DNM3: variants seen among roughly 807,000 people sequenced by gnomAD.
DNM3 encodes dynamin-3.
A neutral mutation model predicts 101.6 loss-of-function variants in DNM3; 47 were observed. The ratio of observed to expected loss-of-function variants is 0.46; its 90% CI spans 0.37 to 0.59. The LOEUF is 0.59. Among genes scored for constraint, DNM3 ranks in the 20% least tolerant of loss-of-function variants. The pLI, the probability that DNM3 is intolerant of heterozygous loss-of-function variation, is 0.00. For synonymous variants in DNM3, 385 were observed against 387.9 expected (o/e 0.99, Z 0.09); for missense variants, 849 against 1,085.7 (o/e 0.78, Z 3.06).
intron 14 of DNM3, among the ~76,000 whole-genome samples, chr1:172,211,674 A>AT (rs1362221918): frequency 6.6e-6 from 1 of 152,084 alleles, no homozygotes; most frequent in South Asian, 2.1e-4. Flanking sequence ...GTTTAAAACA[A>AT]TTTTTTTACA....
intron 2 of DNM3, among the ~76,000 whole-genome samples, chr1:171,964,622 G>A (rs545411236): frequency 3.0e-4 from 45 of 152,160 alleles, no homozygotes; most frequent in African/African-American, 1.0e-3. Context: ...CCCATATTTG[G>A]CTCAGAATAA....
intron 4 of DNM3, among the ~76,000 whole-genome samples, chr1:172,017,259 T>C (rs2047510914): frequency 6.6e-6 from 1 of 152,144 alleles, no homozygotes; most frequent in South Asian, 2.1e-4. Context: ...TTTAATTTGC[T>C]CTTCTTTTTC....
chr1:172,239,632 G>A (rs887709035), intron 14 of DNM3, among the ~76,000 whole-genome samples: 2 of 152,024 alleles, frequency 1.3e-5, no homozygotes, highest in East Asian at 1.9e-4. Context: ...GTCTCCAGAA[G>A]CTGAGGATAG....
chr1:171,968,528 G>T (rs2043756964), intron 2 of DNM3, among the ~76,000 whole-genome samples: 1 of 152,192 alleles, frequency 6.6e-6, no homozygotes, highest in Non-Finnish European at 1.5e-5. Context: ...TCATTATCAT[G>T]CCAGCTAGCA....
chr1:172,286,661 A>G (rs1337397993), intron 15 of DNM3, among the ~76,000 whole-genome samples: 1 of 152,178 alleles, frequency 6.6e-6, no homozygotes. Flanking sequence ...CCAACTGCCT[A>G]CTGGGCATTT....
Position 171,956,820 on chromosome 1 carries a change from A to G in DNM3, c.236-30836A>G, listed in dbSNP as rs533140104. 9.8e-5 allele frequency among the ~76,000 whole-genome samples: 15 copies of G among 152,298 alleles called. No individual in the cohort carries two copies. In the South Asian group the frequency reaches 2.7e-3, roughly 27 times the overall value. Reference sequence around the variant, plus strand: ...TCTAGACAGAGGTTCCCAAACCTCAATTCTTGACTTCTGTGCCCCCGCAGA... The same window carrying G: ...TCTAGACAGAGGTTCCCAAACCTCAGTTCTTGACTTCTGTGCCCCCGCAGA... On this transcript the variant is annotated intron_variant, in intron 2 of 20. Transcript: ENST00000627582.
intron 2 of DNM3, among the ~76,000 whole-genome samples, chr1:171,984,446 C>T (rs1036230530): frequency 2.6e-5 from 4 of 152,186 alleles, no homozygotes; most frequent in African/African-American, 9.6e-5. Flanking sequence ...GGCTGTCCCT[C>T]AACATGCCGA....
chr1:171,872,146 C>A (rs1368763262), intron 1 of DNM3, among the ~76,000 whole-genome samples: 1 of 152,008 alleles, frequency 6.6e-6, no homozygotes, highest in Admixed American at 6.6e-5. Context: ...TGACAGAGAT[C>A]ATCACATTTG....
Position 172,410,422 on chromosome 1 carries a change from T to A in DNM3, c.*2581T>A, listed in dbSNP as rs1449030958. On this transcript the variant is annotated 3_prime_UTR_variant, in exon 21 of 21. Transcript: ENST00000627582. ...AAACACAATAGATGTAGCTCTATCA[T>A]GTCTAGCATAATTTAAAAAATCAGT... 2.0e-6 allele frequency: 2 copies of A among 985,020 alleles called. No individual in the cohort carries two copies. The highest frequency in any genetic ancestry group is 1.7e-5 in the African/African-American group (1 of 57,232). 61.0% of individuals were successfully genotyped at this position (985,020 alleles called of 1,614,324 possible). A position where few individuals can be genotyped will look rare whatever the true frequency, so the allele number is the denominator to read the frequency against.
At chr1:172,092,771 T>G in intron 12 of DNM3, 53 bp from the exon 13 acceptor site, 1 of 1,511,634 alleles carries the variant, frequency 6.6e-7, no homozygotes, top group Non-Finnish European at 8.9e-7. Flanking sequence ...GTTACTTGTT[T>G]AGGAAAAAAT....
chr1:172,333,468 C>A (rs566550713), intron 17 of DNM3, among the ~76,000 whole-genome samples: 3 of 152,058 alleles, frequency 2.0e-5, no homozygotes, highest in Non-Finnish European at 4.4e-5. Context: ...AGACAAATAT[C>A]CCAGAACAAA....
intron 15 of DNM3, among the ~76,000 whole-genome samples, chr1:172,303,006 G>C (rs2064548494): frequency 6.6e-6 from 1 of 152,110 alleles, no homozygotes; most frequent in South Asian, 2.1e-4. Context: ...ACCAGCAATG[G>C]AATAAAGCTG....
intron 8 of DNM3, among the ~76,000 whole-genome samples, chr1:172,043,054 G>T (rs2049505418): frequency 6.6e-6 from 1 of 152,102 alleles, no homozygotes. Context: ...CAGGCCCAGG[G>T]TCTTGGAAGA....
intron 16 of DNM3, among the ~76,000 whole-genome samples, chr1:172,313,279 C>G (rs374257177): frequency 2.6e-5 from 4 of 152,242 alleles, no homozygotes. Flanking sequence ...GAAATACAAT[C>G]AGTCTGTATT....
At chr1:171,980,543 G>GAAGTTACT (rs2044712085) in intron 2 of DNM3, among the ~76,000 whole-genome samples, 1 of 151,926 alleles carries the variant, frequency 6.6e-6, no homozygotes. Flanking sequence ...CAGAACTCTG[G>GAAGTTACT]AAGTTACTAC....
chr1:171,879,751 C>T (rs2125120209), intron 1 of DNM3, among the ~76,000 whole-genome samples: 1 of 152,300 alleles, frequency 6.6e-6, no homozygotes, highest in South Asian at 2.1e-4. Context: ...AGCACCCTAG[C>T]CACAACCAGG....
chr1:172,089,208 G>A (rs2053741026), intron 12 of DNM3, among the ~76,000 whole-genome samples: 1 of 152,002 alleles, frequency 6.6e-6, no homozygotes, highest in Non-Finnish European at 1.5e-5. Context: ...TGTTATTTTT[G>A]TTTTGTGTAT....
chr1:172,349,518 T>C (rs530784193), intron 17 of DNM3, among the ~76,000 whole-genome samples: 5 of 152,210 alleles, frequency 3.3e-5, no homozygotes, highest in Non-Finnish European at 7.4e-5. Flanking sequence ...ATTCTACTGA[T>C]TGTGATCTGA....
rs574696884 is a variant in DNM3 at position 172,031,944 on chromosome 1, T to C, written c.590-458T>C. Among the ~76,000 whole-genome samples the C allele has an allele frequency of 2.0e-5, 3 of 152,284 alleles. No individual in the cohort carries two copies. The East Asian group carries it at 5.8e-4, about 29-fold the overall frequency. On this transcript the variant is annotated intron_variant, in intron 4 of 20. Coordinates refer to ENST00000627582, the MANE Select transcript of DNM3 (RefSeq NM_015569.5). ...TTTTAATTTTTTTGACCTCAGTGACTAGAACTGGATCAATAGTAATCCTTG... is the reference window on the plus strand; with the variant it reads ...TTTTAATTTTTTTGACCTCAGTGACCAGAACTGGATCAATAGTAATCCTTG...
Sources: gnomAD v4.1 joint callset for allele counts (sites outside exome capture counted in the v4.1 genomes callset) on GRCh38, gnomAD v4.1.1 for gene constraint, MANE v1.5 for transcripts, NCBI Gene and HGNC (gene_info 2026-07-23, HGNC 2026-07-21) for gene names.